Variants in RBM41 observed in about 807,000 individuals in gnomAD.
The protein encoded by RBM41 is RNA binding motif protein 41.
In RBM41, 14 loss-of-function variants were observed where a neutral mutation model predicts 30.8. That is an observed-to-expected ratio of 0.45 (90% CI 0.30 to 0.71). RBM41 has a LOEUF of 0.71. Ranked by LOEUF, RBM41 falls within the 30% of genes least tolerant of loss-of-function variation. The pLI, the probability that RBM41 is intolerant of heterozygous loss-of-function variation, is 0.08. For synonymous variants in RBM41, 120 were observed against 110.1 expected (o/e 1.09, Z -0.56); for missense variants, 276 against 326.3 (o/e 0.85, Z 1.19).
rs149164060 is a variant in RBM41, at chrX:107,088,569, C to T, written c.866G>A (p.Trp289Ter). ...NVIDFSPEQCWTGPKKLTQPI... is the reference protein window; with the variant it reads ...NVIDFSPEQC ...CTGCGTCAGCTTCTTAGGCCCAGTC[C>T]AACACTGCTCAGGTGAAAAATCAAT... The change falls in exon 6 of 8, where the codon TGG becomes TAG. Residue 289 changes from tryptophan (W) to a stop codon, truncating the protein, a stop_gained. Coordinates refer to ENST00000685964, the MANE Select transcript of RBM41 (RefSeq NM_001324242.2). LOFTEE classifies it high-confidence loss of function. The T allele has an allele frequency of 2.5e-6, 3 of 1,209,294 alleles. No homozygotes were observed. Among genetic ancestry groups the T allele is most frequent in the African/African-American group, 1.8e-5 (1 of 56,888 alleles).
In RBM41 at chrX:107,067,682, C is replaced by T; in HGVS notation, c.1159G>A (p.Ala387Thr). The T allele has an allele frequency of 8.3e-7, 1 of 1,203,353 alleles. No individual in the cohort carries two copies. The highest frequency in any genetic ancestry group is 1.1e-6 in the Non-Finnish European group (1 of 891,814). ...TTTACTAGATGCAATGCTTGCCATG[C>T]TATCTCCTTATCTAAAAGAGAAAGA... ...AFITFPNKEI[A>T]WQALHLVNGY... Residue 387 changes from alanine to threonine, a missense_variant, in exon 8 of 8, where the codon GCA becomes ACA. Transcript: ENST00000685964.
chrX:107,116,570 T>C, intron 2 of RBM41, 80 bp downstream of exon 2: 1 of 1,149,648 alleles, frequency 8.7e-7, no homozygotes, highest in Non-Finnish European at 1.2e-6. Context: ...GAGAGGAACA[T>C]TCCATCTAGG....
At chrX:107,102,267 G>A (rs2147690328) in intron 5 of RBM41, among the ~76,000 whole-genome samples, 1 of 111,615 alleles carries the variant, frequency 9.0e-6, no homozygotes, top group East Asian at 2.8e-4. Flanking sequence ...AATGGGCAAA[G>A]TGTGGAAGAT....
At chrX:107,103,944 G>A (rs922238632) in intron 5 of RBM41, among the ~76,000 whole-genome samples, 7 of 110,744 alleles carry the variant, frequency 6.3e-5, no homozygotes, top group Non-Finnish European at 1.3e-4. Flanking sequence ...TCCTGGAGAT[G>A]GTCCGATGAT....
the RBM41 span, among the ~76,000 whole-genome samples, chrX:107,052,321 A>G: frequency 2.7e-5 from 3 of 110,703 alleles, no homozygotes; most frequent in African/African-American, 9.9e-5. Flanking sequence ...CATTTTAGTG[A>G]GCTCTCTGAT....
At position 107,069,337 on chromosome X, in the gene RBM41, C is replaced by T; in HGVS notation, c.1065G>A (p.Arg355=). The T allele has an allele frequency of 5.0e-6, 6 of 1,209,600 alleles. No individual in the cohort carries two copies. Among genetic ancestry groups the T allele is most frequent in the Non-Finnish European group, 6.7e-6 (6 of 894,169 alleles). The change falls in exon 7 of 8, where the codon CGG becomes CGA. Residue 355 remains arginine, a synonymous_variant. Transcript: ENST00000685964. ...TTGGAGGTCCTTTTTTCTCCTGGAA[C>T]CGAGCGAACAATGACACAAGATCTC... ...TERDLVSLFA[R]FQEKKGPPIQ... is the part of the protein sequence containing the mutation.
At chrX:107,083,680 C>T (rs983351659) in intron 6 of RBM41, among the ~76,000 whole-genome samples, 2 of 110,806 alleles carry the variant, frequency 1.8e-5, no homozygotes, top group Non-Finnish European at 3.8e-5. Flanking sequence ...TTCCAACTTA[C>T]TGATGAGCCT....
intron 6 of RBM41, among the ~76,000 whole-genome samples, chrX:107,078,316 T>TG (rs778783524): frequency 9.0e-6 from 1 of 111,450 alleles, no homozygotes; most frequent in Non-Finnish European, 1.9e-5. Context: ...AACTAAGGAA[T>TG]GGGGAGTTAT....
At position 107,093,054 on chromosome X, in the gene RBM41, T is replaced by C. The variant is rs184690448; in HGVS notation, c.596-4215A>G. ...AGAAAGTGAACAAATTTCAGCTACATATGTCCAAGTGGATGAATAGATTAA... is the reference window on the plus strand; with the variant it reads ...AGAAAGTGAACAAATTTCAGCTACACATGTCCAAGTGGATGAATAGATTAA... On this transcript the variant is annotated intron_variant, in intron 5 of 7. Transcript: ENST00000685964. 4.5e-5 allele frequency among the ~76,000 whole-genome samples: 5 copies of C among 112,040 alleles called. No individual in the cohort carries two copies. The East Asian group carries it at 1.4e-3, about 31-fold the overall frequency.
intron 6 of RBM41, among the ~76,000 whole-genome samples, chrX:107,075,464 G>A (rs1490416466): frequency 9.0e-6 from 1 of 111,684 alleles, no homozygotes; most frequent in East Asian, 2.8e-4. Flanking sequence ...GAGTGAAAAG[G>A]CAACCTATGG....
intron 5 of RBM41, among the ~76,000 whole-genome samples, chrX:107,105,024 C>T (rs1160170243): frequency 2.9e-4 from 32 of 109,902 alleles, no homozygotes; most frequent in Admixed American, 2.9e-4. Context: ...CCAGGGCAAT[C>T]AGGCAGGAGA....
chrX:107,071,440 T>C (rs1423546361), intron 6 of RBM41, among the ~76,000 whole-genome samples: 15 of 111,304 alleles, frequency 1.3e-4, no homozygotes, highest in Admixed American at 9.5e-4. Flanking sequence ...GAGACCAACC[T>C]AGACAAAAAC....
At chrX:107,100,836 C>G (rs1449052070) in intron 5 of RBM41, among the ~76,000 whole-genome samples, 1 of 111,801 alleles carries the variant, frequency 8.9e-6, no homozygotes, top group Non-Finnish European at 1.9e-5. Context: ...TACAGCCCCC[C>G]AAATGGAAAC....
At chrX:107,054,036 A>C in the RBM41 span, among the ~76,000 whole-genome samples, 1 of 110,638 alleles carries the variant, frequency 9.0e-6, no homozygotes, top group South Asian at 4.0e-4. Context: ...ACTCTTGGTA[A>C]GGGGAGCTAC....
rs1401851170 is a variant in RBM41 at position 107,116,171 on chromosome X, C to T, written c.126-117G>A. On this transcript the variant is annotated intron_variant, in intron 2 of 7. Coordinates refer to ENST00000685964, the MANE Select transcript of RBM41 (RefSeq NM_001324242.2). ...CTCACCAGCAAATTTTCTCTTACATCTTATTTCTAAGCTGAAGCACCACTG... is the reference window on the plus strand; with the variant it reads ...CTCACCAGCAAATTTTCTCTTACATTTTATTTCTAAGCTGAAGCACCACTG... The T allele has an allele frequency of 1.0e-5, 10 of 999,036 alleles. No homozygotes were observed. The East Asian group carries it at 3.7e-4, about 37-fold the overall frequency. The allele number at this position is 999,036 out of a possible 1,213,427, so 82.3% of individuals were successfully genotyped here.
intron 4 of RBM41, 187 bp downstream of exon 4, chrX:107,115,165 C>A: frequency 2.2e-6 from 1 of 457,826 alleles, no homozygotes. Context: ...TCTATAATAG[C>A]AGTTTCCATG....
chrX:107,077,329 C>T (rs1444154954), intron 6 of RBM41, among the ~76,000 whole-genome samples: 2 of 111,190 alleles, frequency 1.8e-5, no homozygotes, highest in Non-Finnish European at 3.8e-5. Context: ...AATGGGGTTT[C>T]ACCATGTTAG....
At chrX:107,102,185 C>T (rs1336674527) in intron 5 of RBM41, among the ~76,000 whole-genome samples, 1 of 111,591 alleles carries the variant, frequency 9.0e-6, no homozygotes, top group Non-Finnish European at 1.9e-5. Flanking sequence ...AGAAACTTGG[C>T]TGAATTGAGT....
At chrX:107,106,708 T>C (rs1424300050) in intron 5 of RBM41, among the ~76,000 whole-genome samples, 1 of 111,063 alleles carries the variant, frequency 9.0e-6, no homozygotes, top group Non-Finnish European at 1.9e-5. Flanking sequence ...GATGAGTTCA[T>C]GTCCTTTGTA....
Sources: gnomAD v4.1 joint callset for allele counts (sites outside exome capture counted in the v4.1 genomes callset) on GRCh38, gnomAD v4.1.1 for gene constraint, MANE v1.5 for transcripts, NCBI Gene and HGNC (gene_info 2026-07-23, HGNC 2026-07-21) for gene names.